The following PDSS2 variants were observed in gnomAD, a reference collection of about 807,000 sequenced individuals.
PDSS2 encodes the protein all trans-polyprenyl-diphosphate synthase PDSS2.
In PDSS2, 31 loss-of-function variants were observed where a neutral mutation model predicts 44.5. The observed-to-expected ratio is 0.70, with a 90% CI of 0.52 to 0.94. The LOEUF (loss-of-function observed/expected upper bound fraction) is 0.94, where lower values mean the gene tolerates loss of function less well. PDSS2 is among the 40% of genes least tolerant of loss of function. PDSS2 has a pLI of 0.00. For synonymous variants in PDSS2, 157 were observed against 180.3 expected (o/e 0.87, Z 1.03); for missense variants, 452 against 482.2 (o/e 0.94, Z 0.59).
chr6:107,362,392 T>C (rs373705592), intron 1 of PDSS2, among the ~76,000 whole-genome samples: 23 of 152,308 alleles, frequency 1.5e-4, no homozygotes, highest in African/African-American at 5.3e-4. Flanking sequence ...CAGTCTTTGG[T>C]TGATCACTAA....
rs552703725 is a variant in PDSS2 at position 107,319,498 on chromosome 6, A to G, written c.431+14700T>C. ...ACAGAAAGAATGGCAACCACAAAAGACAACGTGGTACCTGACGTTAGGGGC... is the reference window on the plus strand; with the variant it reads ...ACAGAAAGAATGGCAACCACAAAAGGCAACGTGGTACCTGACGTTAGGGGC... On this transcript the variant is annotated intron_variant, in intron 2 of 7. Coordinates refer to ENST00000369037, the MANE Select transcript of PDSS2 (RefSeq NM_020381.4). Among the ~76,000 whole-genome samples, 6 of 152,322 alleles carry G rather than the reference A, an allele frequency of 3.9e-5. No individual in the cohort carries two copies. The East Asian group carries it at 1.2e-3, about 29-fold the overall frequency.
intron 2 of PDSS2, among the ~76,000 whole-genome samples, chr6:107,316,394 T>G (rs1777198828): frequency 6.6e-6 from 1 of 152,228 alleles, no homozygotes; most frequent in Non-Finnish European, 1.5e-5. Flanking sequence ...GTTTAATTCT[T>G]TTGCTATGGT....
chr6:107,337,635 A>C (rs986519414), intron 1 of PDSS2, among the ~76,000 whole-genome samples: 4 of 152,210 alleles, frequency 2.6e-5, no homozygotes, highest in African/African-American at 9.7e-5. Flanking sequence ...TCAGTAAATT[A>C]CATTTTCTTT....
intron 7 of PDSS2, among the ~76,000 whole-genome samples, chr6:107,171,321 C>A (rs184168483): frequency 6.6e-6 from 1 of 152,160 alleles, no homozygotes; most frequent in East Asian, 1.9e-4. Flanking sequence ...GCCACCATGC[C>A]TGGCTAATTT....
At chr6:107,197,627 T>A (rs1215099131) in intron 6 of PDSS2, among the ~76,000 whole-genome samples, 1 of 152,142 alleles carries the variant, frequency 6.6e-6, no homozygotes, top group Non-Finnish European at 1.5e-5. Context: ...GTGTTGACTA[T>A]TTTTGAGAGA....
intron 1 of PDSS2, among the ~76,000 whole-genome samples, chr6:107,406,242 A>G (rs989501702): frequency 1.3e-5 from 2 of 152,218 alleles, no homozygotes; most frequent in Non-Finnish European, 2.9e-5. Context: ...TTATGGCTAT[A>G]TCAAAAATTA....
At chr6:107,262,350 A>C (rs62430065) in intron 3 of PDSS2, among the ~76,000 whole-genome samples, 36,277 of 151,900 alleles carry the variant, frequency 0.24, 5,735 homozygotes, top group Middle Eastern at 0.47. Flanking sequence ...TTCTCCTTTT[A>C]CTTATTATTT....
intron 1 of PDSS2, among the ~76,000 whole-genome samples, chr6:107,421,839 C>A (rs997493770): frequency 6.7e-6 from 1 of 149,844 alleles, no homozygotes; most frequent in Non-Finnish European, 1.5e-5. Context: ...CACACACAAA[C>A]GAATGCATGT....
At chr6:107,300,357 G>C (rs1562446182) in intron 2 of PDSS2, among the ~76,000 whole-genome samples, 1 of 151,636 alleles carries the variant, frequency 6.6e-6, no homozygotes, top group Non-Finnish European at 1.5e-5. Context: ...GCAGGAAGTA[G>C]TTAAGAGGTC....
intron 4 of PDSS2, among the ~76,000 whole-genome samples, chr6:107,242,796 T>C (rs575737556): frequency 2.0e-5 from 3 of 152,310 alleles, no homozygotes; most frequent in South Asian, 4.1e-4. Flanking sequence ...CCTCCTAAAG[T>C]GCTGGGATTA....
intron 2 of PDSS2, among the ~76,000 whole-genome samples, chr6:107,297,443 T>C (rs1044162592): frequency 4.7e-5 from 7 of 149,234 alleles, no homozygotes; most frequent in Admixed American, 2.0e-4. Context: ...AGTGCAGTGG[T>C]GCGATCTCGG....
Position 107,183,124 on chromosome 6 carries a change from A to T in PDSS2, c.1041+10698T>A, listed in dbSNP as rs138803384. 3.4e-3 allele frequency among the ~76,000 whole-genome samples: 524 copies of T among 151,910 alleles called. 6 individuals are homozygous for T. Among genetic ancestry groups the T allele is most frequent in the Middle Eastern group, 0.01 (3 of 294 alleles). On this transcript the variant is annotated intron_variant, in intron 7 of 7. Transcript: ENST00000369037. ...CTACTTGCAAAGCTGAGGTGGGAGG[A>T]TCACTTGAGCCCGGGAGGTCAATAC...
At chr6:107,347,496 C>T (rs1044504129) in intron 1 of PDSS2, among the ~76,000 whole-genome samples, 1 of 151,950 alleles carries the variant, frequency 6.6e-6, no homozygotes, top group Non-Finnish European at 1.5e-5. Flanking sequence ...AACTCCTGAC[C>T]TCGTGATCTG....
chr6:107,314,498 TAC>T (rs1329515634), intron 2 of PDSS2, among the ~76,000 whole-genome samples: 1 of 152,234 alleles, frequency 6.6e-6, no homozygotes, highest in African/African-American at 2.4e-5. Context: ...AGTTGACAAT[TAC>T]AGTCTCTATC....
At chr6:107,437,099 G>C in intron 1 of PDSS2, among the ~76,000 whole-genome samples, 1 of 152,024 alleles carries the variant, frequency 6.6e-6, no homozygotes, top group East Asian at 1.9e-4. Flanking sequence ...TCCTGGCCTC[G>C]AGCCATTCTC....
chr6:107,207,137 C>T (rs917231649), intron 6 of PDSS2, among the ~76,000 whole-genome samples: 7 of 151,368 alleles, frequency 4.6e-5, no homozygotes, highest in South Asian at 4.1e-4. Context: ...GGACTACAGG[C>T]GCCCGCCACT....
intron 1 of PDSS2, among the ~76,000 whole-genome samples, chr6:107,437,210 C>A (rs146136662): frequency 3.9e-5 from 6 of 152,180 alleles, no homozygotes; most frequent in African/African-American, 1.4e-4. Context: ...ATTCTCTCAC[C>A]CCTTTTCTCT....
intron 1 of PDSS2, among the ~76,000 whole-genome samples, chr6:107,405,119 G>A (rs1019460877): frequency 3.3e-5 from 5 of 151,468 alleles, no homozygotes; most frequent in East Asian, 3.9e-4. Flanking sequence ...AAGAGATTGG[G>A]ATTCTAATTT....
chr6:107,241,344 CTTT>C (rs58623641), intron 4 of PDSS2, among the ~76,000 whole-genome samples: 37 of 78,002 alleles, frequency 4.7e-4, no homozygotes, highest in East Asian at 2.3e-3. Context: ...TCTTCTTCTT[CTTT>C]TTTTTTTTTT....
Sources: allele counts gnomAD v4.1 joint callset (sites outside exome capture counted in the v4.1 genomes callset), GRCh38; gene constraint gnomAD v4.1.1; transcripts MANE v1.5; gene names NCBI Gene and HGNC (gene_info 2026-07-23, HGNC 2026-07-21).